ANKFY1: variants seen among roughly 807,000 people sequenced by gnomAD.
The protein encoded by ANKFY1 is ankyrin repeat and FYVE domain containing 1.
Under a neutral mutation model 128.3 loss-of-function variants are expected in ANKFY1, and 47 were observed. The ratio of observed to expected loss-of-function variants is 0.37; its 90% CI spans 0.29 to 0.47. The LOEUF (loss-of-function observed/expected upper bound fraction) is 0.47. Among genes scored for constraint, ANKFY1 ranks in the 20% least tolerant of loss-of-function variants. The pLI, the probability that ANKFY1 is intolerant of heterozygous loss-of-function variation, is 1.00. For synonymous variants in ANKFY1, 553 were observed against 601.6 expected, an observed-to-expected ratio of 0.92 and a Z score of 1.18; for missense variants, 1,222 against 1,510.6, an observed-to-expected ratio of 0.81 and a Z score of 3.17.
chr17:4,189,344 A>G (rs1228382100), intron 11 of ANKFY1, 38 bp downstream of exon 11: 1 of 1,522,706 alleles, frequency 6.6e-7, no homozygotes, highest in Non-Finnish European at 8.9e-7. Context: ...TCTTCCATAG[A>G]TCAACACCAT....
intron 1 of ANKFY1, chr17:4,263,602 G>A (rs1968542022): frequency 2.0e-6 from 3 of 1,534,746 alleles, no homozygotes; most frequent in Non-Finnish European, 2.6e-6. Flanking sequence ...TACTTCCCCC[G>A]GCGTCCCGGC....
In ANKFY1 at chr17:4,185,162, C is replaced by A. The variant is rs1374802584; in HGVS notation, c.1471-116G>T. ...TGGCTCATCCTGCCGCCAGCTGCCC[C>A]TCCTGACTTCTGTTCTCTTTCTCCT... On this transcript the variant is annotated intron_variant, in intron 11 of 24. Transcript: ENST00000341657. The A allele has an allele frequency of 4.7e-6, 4 of 842,942 alleles. No individual in the cohort carries two copies. The African/African-American group carries it at 6.7e-5, about 14-fold the overall frequency. The allele number at this position is 842,942 out of a possible 1,614,324, so 52.2% of individuals were successfully genotyped here.
At chr17:4,184,714 A>T in intron 12 of ANKFY1, 104 bp downstream of exon 12, 1 of 1,260,660 alleles carries the variant, frequency 7.9e-7, no homozygotes, top group Non-Finnish European at 1.1e-6. Flanking sequence ...GTAAGAAACT[A>T]GCCATATGAA....
At chr17:4,189,347 A>G (rs1463960517) in intron 11 of ANKFY1, 35 bp downstream of exon 11, 1 of 1,526,234 alleles carries the variant, frequency 6.6e-7, no homozygotes, top group Non-Finnish European at 8.9e-7. Flanking sequence ...TCCATAGATC[A>G]ACACCATTTT....
In ANKFY1 at chr17:4,165,658, A is replaced by G. The variant is rs2059199255; in HGVS notation, c.*2121T>C. On this transcript the variant is annotated 3_prime_UTR_variant, in exon 25 of 25. Coordinates refer to ENST00000341657, the MANE Select transcript of ANKFY1 (RefSeq NM_001330063.2). ...ATGTTCTCCCAGTCCATAGCTGGTC[A>G]GTACCATTGCTATCCCTGGACTCAG... The G allele has an allele frequency of 6.6e-6, 1 of 152,268 alleles. No homozygotes were observed. Among genetic ancestry groups the G allele is most frequent in the African/African-American group, 2.4e-5 (1 of 41,474 alleles). 9.4% of individuals were successfully genotyped at this position (152,268 alleles called of 1,614,324 possible).
chr17:4,203,977 C>T (rs2059980592), intron 7 of ANKFY1, among the ~76,000 whole-genome samples: 1 of 152,060 alleles, frequency 6.6e-6, no homozygotes, highest in Non-Finnish European at 1.5e-5. Context: ...GAGATGGCAT[C>T]CCTCTGGCCA....
chr17:4,171,937 G>A (rs76032987), intron 22 of ANKFY1, among the ~76,000 whole-genome samples: 1 of 152,266 alleles, frequency 6.6e-6, no homozygotes, highest in African/African-American at 2.4e-5. Context: ...TTTGCTTTAT[G>A]GGGTTACTTT....
At chr17:4,223,871 G>C in intron 3 of ANKFY1, 1 of 875,536 alleles carries the variant, frequency 1.1e-6, no homozygotes, top group Non-Finnish European at 1.8e-6. Context: ...AAAGGTGCCT[G>C]TCATGGATGC....
intron 1 of ANKFY1, among the ~76,000 whole-genome samples, chr17:4,260,324 A>G (rs568239502): frequency 6.6e-6 from 1 of 152,132 alleles, no homozygotes; most frequent in African/African-American, 2.4e-5. Flanking sequence ...TCACTTACAA[A>G]CGAAGCTTAG....
intron 7 of ANKFY1, among the ~76,000 whole-genome samples, chr17:4,200,810 C>T (rs762251980): frequency 6.6e-6 from 1 of 152,172 alleles, no homozygotes; most frequent in Non-Finnish European, 1.5e-5. Context: ...CAACTCGAGA[C>T]GATGATTTTC....
chr17:4,179,758 T>G lies in ANKFY1; in HGVS notation c.2360A>C (p.Gln787Pro). ...AASWGLEETV[Q>P]CLLEFGANVN... ...GTTGGCACCAAACTCCAGAAGACAC[T>G]GTACTGTCTCTTCCAGCCCCCAAGA... Residue 787 changes from glutamine to proline, a missense_variant, in exon 17 of 25, where the codon CAG (glutamine) becomes CCG (proline). By Grantham distance (76) the Gln-to-Pro change is moderately conservative. Transcript: ENST00000341657. The G allele has an allele frequency of 2.5e-6, 4 of 1,614,200 alleles. No individual in the cohort carries two copies. Among genetic ancestry groups the G allele is most frequent in the Non-Finnish European group, 3.4e-6 (4 of 1,180,036 alleles).
chr17:4,249,073 GT>G (rs1967706360), intron 1 of ANKFY1: 1 of 965,656 alleles, frequency 1.0e-6, no homozygotes, highest in South Asian at 4.8e-5. Context: ...CAAAAAAGTA[GT>G]TAATCAGCAA....
In ANKFY1 at chr17:4,170,778, T is replaced by G; in HGVS notation, c.3223A>C (p.Asn1075His). The change falls in exon 23 of 25, where the codon AAC (asparagine) becomes CAC (histidine). Residue 1075 changes from asparagine to histidine, a missense_variant. Physicochemically the swap from Asn to His is moderately conservative, Grantham distance 68. Transcript: ENST00000341657. ...RSGARLGVNN[N>H]QGVNIFNYQV... is the part of the protein sequence containing the mutation. ...TAGTTGAAGATGTTGACTCCCTGGTTGTTATTCACCCCGAGGCGAGCCCCC... is the reference window on the plus strand; with the variant it reads ...TAGTTGAAGATGTTGACTCCCTGGTGGTTATTCACCCCGAGGCGAGCCCCC... The G allele has an allele frequency of 6.2e-7, 1 of 1,614,158 alleles. No individual in the cohort carries two copies. Among genetic ancestry groups the G allele is most frequent in the Non-Finnish European group, 8.5e-7 (1 of 1,180,012 alleles).
chr17:4,261,494 G>T (rs1457260294), intron 1 of ANKFY1, among the ~76,000 whole-genome samples: 1 of 152,202 alleles, frequency 6.6e-6, no homozygotes, highest in Non-Finnish European at 1.5e-5. Flanking sequence ...AAAGGGGAAG[G>T]GAAGGAAAGA....
chr17:4,195,360 C>G (rs769531670), intron 9 of ANKFY1, 43 bp downstream of exon 9: 7 of 1,583,188 alleles, frequency 4.4e-6, no homozygotes, highest in African/African-American at 1.3e-5. Context: ...TCACAATCCC[C>G]CCTCACAACC....
intron 10 of ANKFY1, among the ~76,000 whole-genome samples, chr17:4,189,931 C>T (rs1041555745): frequency 5.3e-5 from 8 of 152,194 alleles, no homozygotes; most frequent in Non-Finnish European, 8.8e-5. Flanking sequence ...GGGAACGCCC[C>T]GGGCTGGAAC....
chr17:4,173,845 C>T (rs1315289841), intron 20 of ANKFY1, 64 bp downstream of exon 20: 1 of 1,560,386 alleles, frequency 6.4e-7, no homozygotes, highest in South Asian at 1.2e-5. Flanking sequence ...CCCAAGGGTG[C>T]ACTGCACCCC....
intron 23 of ANKFY1, among the ~76,000 whole-genome samples, chr17:4,170,227 C>G (rs1243791726): frequency 6.6e-6 from 1 of 152,242 alleles, no homozygotes; most frequent in Non-Finnish European, 1.5e-5. Context: ...AGCACAGGCA[C>G]TCGAGACATT....
rs199502205 is a variant in ANKFY1, at chr17:4,183,510, C to T, written c.1840G>A (p.Ala614Thr). 831 of 1,612,898 alleles carry T rather than the reference C, an allele frequency of 5.2e-4. 16 individuals are homozygous for T. In the South Asian group the frequency reaches 8.3e-3, roughly 16 times the overall value. The stretch of plus-strand genomic sequence containing the variant: ...CCATCCGACATGGTGTCATTGATGG[C>T]GGCTCCAGAGCCCAGCAGCTGGGCT... ...IAAQLLGSGA[A>T]INDTMSDGQT... The change falls in exon 14 of 25, where the codon GCC becomes ACC. Residue 614 changes from alanine to threonine, a missense_variant. Physicochemically the swap from Ala to Thr is moderately conservative, Grantham distance 58. Coordinates refer to ENST00000341657, the MANE Select transcript of ANKFY1 (RefSeq NM_001330063.2).
Sources: gnomAD v4.1 joint callset for allele counts (sites outside exome capture counted in the v4.1 genomes callset) on GRCh38, gnomAD v4.1.1 for gene constraint, MANE v1.5 for transcripts, NCBI Gene and HGNC (gene_info 2026-07-23, HGNC 2026-07-21) for gene names.